The following PDE12 variants were observed in gnomAD, a reference collection of about 807,000 sequenced individuals.
PDE12 encodes the protein phosphodiesterase 12.
In PDE12, 26 loss-of-function variants were observed where a neutral mutation model predicts 45.4. That is an observed-to-expected ratio of 0.57 (90% CI 0.42 to 0.79). PDE12 has a LOEUF of 0.79. Ranked by LOEUF, PDE12 falls within the 30% of genes least tolerant of loss-of-function variation. PDE12 has a pLI of 0.00. For missense variants in PDE12, 668 were observed against 790.0 expected (o/e 0.85, Z 1.85); for synonymous variants, 283 against 323.9 (o/e 0.87, Z 1.36).
At chr3:57,580,405 C>A in the PDE12 span, among the ~76,000 whole-genome samples, 1 of 151,774 alleles carries the variant, frequency 6.6e-6, no homozygotes. Context: ...TTTGTTTCTT[C>A]TTTTTTTCAA....
chr3:57,628,972 A>G, the PDE12 span: 1 of 1,185,788 alleles, frequency 8.4e-7, no homozygotes, highest in Admixed American at 2.4e-5. Flanking sequence ...CTGTGAAGGA[A>G]AGACAAGAAG....
At chr3:57,571,352 A>C (rs138880502), downstream of PDE12, 252 of 152,708 alleles carry the variant, frequency 1.7e-3, 1 homozygote, top group African/African-American at 5.8e-3. Context: ...ACTCAAAAAG[A>C]ACACACACAA....
At chr3:57,630,345 A>C in the PDE12 span, 1 of 1,317,700 alleles carries the variant, frequency 7.6e-7, no homozygotes, top group Non-Finnish European at 1.0e-6. Flanking sequence ...TAAAGGGTAC[A>C]ATCTTCAACT....
the PDE12 span, chr3:57,627,726 T>C: frequency 6.5e-6 from 1 of 153,050 alleles, no homozygotes; most frequent in Non-Finnish European, 1.5e-5. Context: ...AGCTGAACTG[T>C]GAAACATGTA....
the PDE12 span, among the ~76,000 whole-genome samples, chr3:57,608,014 G>T: frequency 2.6e-5 from 4 of 152,158 alleles, no homozygotes; most frequent in African/African-American, 9.7e-5. Flanking sequence ...ACAAAGGGAA[G>T]CCCATCAGAC....
At chr3:57,642,424 G>C in the PDE12 span, among the ~76,000 whole-genome samples, 1 of 151,646 alleles carries the variant, frequency 6.6e-6, no homozygotes, top group African/African-American at 2.4e-5. Flanking sequence ...AGACGTGAAA[G>C]ATGAGTGGGC....
the PDE12 span, among the ~76,000 whole-genome samples, chr3:57,574,385 T>C: frequency 8.0e-5 from 12 of 150,918 alleles, no homozygotes; most frequent in African/African-American, 2.9e-4. Flanking sequence ...TGATCAATGA[T>C]AAGCAATTTT....
At chr3:57,625,459 T>TAA in the PDE12 span, 1 of 152,634 alleles carries the variant, frequency 6.6e-6, no homozygotes, top group Admixed American at 6.5e-5. Context: ...CCAAGTGCTT[T>TAA]AAAATCCAAG....
At chr3:57,634,311 T>C in the PDE12 span, among the ~76,000 whole-genome samples, 3,653 of 151,946 alleles carry the variant, frequency 0.024, 69 homozygotes, top group Non-Finnish European at 0.035. Flanking sequence ...TGCACACCTG[T>C]AATTCCAGCT....
rs1575776021 is a variant in PDE12, at chr3:57,566,428, G to A, written c.*6424G>A. On this transcript the variant is annotated 3_prime_UTR_variant, in exon 3 of 3. Transcript: ENST00000311180. ...CCACTTCCTGGCTTCTATGAATAAT[G>A]CTGCCATAAACATTTGTGATAAGTT... The A allele has an allele frequency of 6.6e-6, 1 of 152,098 alleles. No homozygotes were observed. Among genetic ancestry groups the A allele is most frequent in the Admixed American group, 6.6e-5 (1 of 15,262 alleles). 9.4% of individuals were successfully genotyped at this position (152,098 alleles called of 1,614,324 possible). A position where few individuals can be genotyped will look rare whatever the true frequency, so the allele number is the denominator to read the frequency against.
chr3:57,585,508 CTAATG>C, the PDE12 span, among the ~76,000 whole-genome samples: 7 of 152,112 alleles, frequency 4.6e-5, no homozygotes, highest in South Asian at 1.5e-3. Context: ...ATCACATTAC[CTAATG>C]TAAACAACGA....
chr3:57,578,286 G>A, the PDE12 span, among the ~76,000 whole-genome samples: 2 of 151,614 alleles, frequency 1.3e-5, no homozygotes, highest in East Asian at 3.9e-4. Context: ...TGGGCGCAGT[G>A]GCTCACTCCT....
At chr3:57,624,440 G>A in the PDE12 span, among the ~76,000 whole-genome samples, 1 of 152,038 alleles carries the variant, frequency 6.6e-6, no homozygotes, top group Non-Finnish European at 1.5e-5. Context: ...GTGAGCCCAT[G>A]CCCGGCCATC....
chr3:57,649,248 A>T, the PDE12 span, among the ~76,000 whole-genome samples: 4 of 152,294 alleles, frequency 2.6e-5, no homozygotes, highest in African/African-American at 9.6e-5. Context: ...AACAAACATT[A>T]AAAAATGCTT....
At chr3:57,594,914 G>A in the PDE12 span, among the ~76,000 whole-genome samples, 1 of 152,040 alleles carries the variant, frequency 6.6e-6, no homozygotes, top group Non-Finnish European at 1.5e-5. Context: ...TATCTCCCTC[G>A]TACGTTGATA....
At chr3:57,613,728 G>C in the PDE12 span, among the ~76,000 whole-genome samples, 3 of 151,096 alleles carry the variant, frequency 2.0e-5, no homozygotes, top group Admixed American at 6.6e-5. Context: ...GTGAAACCCC[G>C]TCTCTACTAA....
chr3:57,557,153 T>C lies in PDE12; in HGVS notation c.774T>C (p.Phe258=). ...GCACCCCAGGCGATGGGCAGCGCTT[T>C]GGGCACAGCCGGGAGTTGGAAAGTG... ...LHCTPGDGQR[F]GHSRELESVC... is the part of the protein sequence containing the mutation. The change falls in exon 1 of 3, where the codon TTT becomes TTC. Residue 258 remains phenylalanine, a synonymous_variant. Transcript: ENST00000311180. 2 of 1,614,130 alleles carry C rather than the reference T, an allele frequency of 1.2e-6. No homozygotes were observed. Among genetic ancestry groups the C allele is most frequent in the Non-Finnish European group, 1.7e-6 (2 of 1,180,016 alleles).
At chr3:57,630,129 T>TC in the PDE12 span, among the ~76,000 whole-genome samples, 1 of 152,192 alleles carries the variant, frequency 6.6e-6, no homozygotes, top group African/African-American at 2.4e-5. Context: ...CACTGTTGGC[T>TC]CCACTACTTA....
the PDE12 span, among the ~76,000 whole-genome samples, chr3:57,640,217 C>T: frequency 6.1e-5 from 9 of 147,420 alleles, no homozygotes; most frequent in East Asian, 6.0e-4. Context: ...TGCAGTGAGC[C>T]GAGATCATGC....
Sources: gnomAD v4.1 joint callset for allele counts (sites outside exome capture counted in the v4.1 genomes callset) on GRCh38, gnomAD v4.1.1 for gene constraint, MANE v1.5 for transcripts, NCBI Gene and HGNC (gene_info 2026-07-23, HGNC 2026-07-21) for gene names.